The following OR4X2 variants were observed in gnomAD, a reference collection of about 807,000 sequenced individuals.
OR4X2 encodes the protein olfactory receptor family 4 subfamily X member 2.
For synonymous variants in OR4X2, 205 were observed against 136.6 expected (o/e 1.50, Z -3.49); for missense variants, 554 against 359.5 (o/e 1.54, Z -4.38).
Position 48,245,523 on chromosome 11 carries a change from A to G in OR4X2, c.420A>G (p.Ala140=), listed in dbSNP as rs1231773010. ...TGTGTACTGTCCTTGTAGGAATAGC[A>G]TGGGTGGGAGGCTTCATGCATTCCT... ...WQVCTVLVGI[A]WVGGFMHSFA... The change falls in exon 1 of 1, where the codon GCA becomes GCG. Residue 140 remains alanine (A), a synonymous_variant. Coordinates refer to ENST00000624868, the MANE Select transcript of OR4X2 (RefSeq NM_001004727.1). 5.6e-6 allele frequency: 9 copies of G among 1,614,002 alleles called. No individual in the cohort carries two copies. The highest frequency in any genetic ancestry group is 2.2e-5 in the East Asian group (1 of 44,880).
chr11:48,245,313 C>T lies in OR4X2; in HGVS notation c.210C>T (p.Ala70=). ...FMEICYSSAT[A]PKLISDLLAE... is the part of the protein sequence containing the mutation. Reference sequence around the variant, plus strand: ...AGATCTGCTACTCCTCCGCTACAGCCCCCAAACTCATCTCAGATCTGCTGG... The same window carrying T: ...AGATCTGCTACTCCTCCGCTACAGCTCCCAAACTCATCTCAGATCTGCTGG... The change falls in exon 1 of 1, where the codon GCC becomes GCT. Residue 70 remains alanine (A), a synonymous_variant. Transcript: ENST00000624868. 6.2e-7 allele frequency: 1 copy of T among 1,614,156 alleles called. No homozygotes were observed. Among genetic ancestry groups the T allele is most frequent in the Non-Finnish European group, 8.5e-7 (1 of 1,180,032 alleles).
rs1859048101 is a variant in OR4X2 at position 48,245,227 on chromosome 11, A to G, written c.124A>G (p.Met42Val). 3.7e-6 allele frequency: 6 copies of G among 1,614,162 alleles called. No homozygotes were observed. In the East Asian group the frequency reaches 1.3e-4, roughly 36 times the overall value. Residue 42 changes from methionine to valine, a missense_variant, in exon 1 of 1, where the codon ATG becomes GTG. Met to Val is a conservative substitution (Grantham distance 21). Coordinates refer to ENST00000624868, the MANE Select transcript of OR4X2 (RefSeq NM_001004727.1). ...LGNFLIVLTV[M>V]TSRSLGSPMY... Reference sequence around the variant, plus strand: ...GAATTTCCTCATTGTGCTCACTGTCATGACCAGCAGAAGCCTTGGTTCCCC... The same window carrying G: ...GAATTTCCTCATTGTGCTCACTGTCGTGACCAGCAGAAGCCTTGGTTCCCC...
rs374038523 is a variant in OR4X2, at chr11:48,245,684, A to G, written c.581A>G (p.Asn194Ser). ...CTCATTGGTCTGCTGATTGTTGCCA[A>G]TGGAGGCACCCTGTCTGTGATCAGT... ...TFLIGLLIVA[N>S]GGTLSVISFG... The change falls in exon 1 of 1, where the codon AAT becomes AGT. Residue 194 changes from asparagine to serine, a missense_variant. By Grantham distance (46) the Asn-to-Ser change is conservative (BLOSUM62 1). Transcript: ENST00000624868. The G allele has an allele frequency of 6.2e-7, 1 of 1,613,908 alleles. No individual in the cohort carries two copies. The highest frequency in any genetic ancestry group is 1.3e-5 in the African/African-American group (1 of 74,866).
rs1590610337 is a variant in OR4X2 at position 48,245,864 on chromosome 11, C to T, written c.761C>T (p.Ser254Phe). 6.2e-7 allele frequency: 1 copy of T among 1,614,124 alleles called. No individual in the cohort carries two copies. Among genetic ancestry groups the T allele is most frequent in the Non-Finnish European group, 8.5e-7 (1 of 1,180,012 alleles). Residue 254 changes from serine (S) to phenylalanine (F), a missense_variant, in exon 1 of 1, where the codon TCT becomes TTT. Coordinates refer to ENST00000624868, the MANE Select transcript of OR4X2 (RefSeq NM_001004727.1). ...TGCGTCTTCAACTCTCTGAGGCCTT[C>T]TACCACTCTGCCCATAGACAAGATG... Reference protein sequence around the residue: ...GPCVFNSLRPSTTLPIDKMVA... With the variant: ...GPCVFNSLRPFTTLPIDKMVA...
rs749916792 is a variant in OR4X2 at position 48,246,005 on chromosome 11, A to G, written c.902A>G (p.Asn301Ser). 3 of 1,612,072 alleles carry G rather than the reference A, an allele frequency of 1.9e-6. No individual in the cohort carries two copies. Among genetic ancestry groups the G allele is most frequent in the South Asian group, 1.1e-5 (1 of 90,962 alleles). ...KRLWIRTLRL[N>S]EK is the part of the protein sequence containing the mutation. ...CTGTGGATTAGGACATTGAGACTAA[A>G]TGAGAAATAGAGGCTGAGTCTTTGT... is the stretch of plus-strand genomic sequence containing the variant. The change falls in exon 1 of 1, where the codon AAT (asparagine) becomes AGT (serine). Residue 301 changes from asparagine (N) to serine (S), a missense_variant. Asn to Ser is a conservative substitution (Grantham distance 46, BLOSUM62 1). Transcript: ENST00000624868.
chr11:48,245,251 C>T lies in OR4X2; in HGVS notation c.148C>T (p.Pro50Ser). Residue 50 changes from proline to serine, a missense_variant, in exon 1 of 1, where the codon CCC becomes TCC. Coordinates refer to ENST00000624868, the MANE Select transcript of OR4X2 (RefSeq NM_001004727.1). ...TVMTSRSLGS[P>S]MYFFLSYLSF... The stretch of plus-strand genomic sequence containing the variant: ...CATGACCAGCAGAAGCCTTGGTTCC[C>T]CCATGTACTTCTTCCTCAGCTACCT... The T allele has an allele frequency of 3.7e-6, 6 of 1,614,158 alleles. No homozygotes were observed. Among genetic ancestry groups the T allele is most frequent in the Non-Finnish European group, 4.2e-6 (5 of 1,180,022 alleles).
chr11:48,245,462 A>T lies in OR4X2; in HGVS notation c.359A>T (p.Lys120Met), dbSNP rs1433890839. 6.2e-7 allele frequency: 1 copy of T among 1,614,142 alleles called. No homozygotes were observed. Among genetic ancestry groups the T allele is most frequent in the East Asian group, 2.2e-5 (1 of 44,882 alleles). ...TATGACCACTATGTGGCCATCTGCA[A>T]GCCCCTCAGCTACACCACCATCATG... is the stretch of plus-strand genomic sequence containing the variant. The part of the protein sequence containing the change: ...MAYDHYVAIC[K>M]PLSYTTIMNW... Residue 120 changes from lysine (K) to methionine (M), a missense_variant, in exon 1 of 1, where the codon AAG becomes ATG. Physicochemically the swap from Lys to Met is moderately conservative, Grantham distance 95. Transcript: ENST00000624868.
rs763616730 is a variant in OR4X2 at position 48,245,672 on chromosome 11, T to G, written c.569T>G (p.Leu190Arg). Residue 190 changes from leucine to arginine, a missense_variant, in exon 1 of 1, where the codon CTG (leucine) becomes CGG (arginine). Coordinates refer to ENST00000624868, the MANE Select transcript of OR4X2 (RefSeq NM_001004727.1). ...TCTGACACCTTCCTCATTGGTCTGC[T>G]GATTGTTGCCAATGGAGGCACCCTG... Reference protein sequence around the residue: ...ACSDTFLIGLLIVANGGTLSV... With the variant: ...ACSDTFLIGLRIVANGGTLSV... 54 of 1,614,060 alleles carry G rather than the reference T, an allele frequency of 3.3e-5. No individual in the cohort carries two copies. The East Asian group carries it at 1.1e-3, about 33-fold the overall frequency.
Position 48,245,952 on chromosome 11 carries a change from T to C in OR4X2, c.849T>C (p.Asn283=), listed in dbSNP as rs1859068611. 4.3e-6 allele frequency: 7 copies of C among 1,614,076 alleles called. No homozygotes were observed. The highest frequency in any genetic ancestry group is 3.4e-6 in the Non-Finnish European group (4 of 1,179,990). ...ILNPVIYSLR[N]AEMRKAMKRL... The stretch of plus-strand genomic sequence containing the variant: ...ACCCTGTCATCTACTCTCTGAGAAA[T>C]GCTGAAATGAGGAAGGCCATGAAGA... The change falls in exon 1 of 1, where the codon AAT becomes AAC. Residue 283 remains asparagine, a synonymous_variant. Coordinates refer to ENST00000624868, the MANE Select transcript of OR4X2 (RefSeq NM_001004727.1).
Position 48,245,620 on chromosome 11 carries a change from C to A in OR4X2, c.517C>A (p.Leu173Ile), listed in dbSNP as rs781483046. ...TGTGATCAATCACTATTTCTGTGAC[C>A]TAGTTCCCCTTCTCAAACTTGCCTG... is the stretch of plus-strand genomic sequence containing the variant. ...PNVINHYFCD[L>I]VPLLKLACSD... Residue 173 changes from leucine (L) to isoleucine (I), a missense_variant, in exon 1 of 1, where the codon CTA becomes ATA. Transcript: ENST00000624868. 1.2e-5 allele frequency: 20 copies of A among 1,614,144 alleles called. No homozygotes were observed. The highest frequency in any genetic ancestry group is 2.2e-5 in the East Asian group (1 of 44,884).
Position 48,245,580 on chromosome 11 carries a change from C to T in OR4X2, c.477C>T (p.Leu159=), listed in dbSNP as rs1859058930. 1.9e-6 allele frequency: 3 copies of T among 1,614,044 alleles called. No individual in the cohort carries two copies. The highest frequency in any genetic ancestry group is 1.1e-5 in the South Asian group (1 of 91,082). The stretch of plus-strand genomic sequence containing the variant: ...AAATCCTTCTCATCTTCCACCTGCT[C>T]TTCTGTGGCCCCAATGTGATCAATC... ...FAQILLIFHL[L]FCGPNVINHY... is the part of the protein sequence containing the mutation. Residue 159 remains leucine, a synonymous_variant, in exon 1 of 1, where the codon CTC becomes CTT. Transcript: ENST00000624868.
In OR4X2 at chr11:48,245,605, C is replaced by A. The variant is rs765106297; in HGVS notation, c.502C>A (p.His168Asn). 11 of 1,614,044 alleles carry A rather than the reference C, an allele frequency of 6.8e-6. No individual in the cohort carries two copies. The African/African-American group carries it at 1.3e-4, about 20-fold the overall frequency. Residue 168 changes from histidine (H) to asparagine (N), a missense_variant, in exon 1 of 1, where the codon CAC becomes AAC. Coordinates refer to ENST00000624868, the MANE Select transcript of OR4X2 (RefSeq NM_001004727.1). ...LLFCGPNVIN[H>N]YFCDLVPLLK... ...CTTCTGTGGCCCCAATGTGATCAAT[C>A]ACTATTTCTGTGACCTAGTTCCCCT...
rs1859064440 is a variant in OR4X2, at chr11:48,245,762, G to A, written c.659G>A (p.Trp220Ter). ...GTCATCTTGCTCCATCTGAGAACCT[G>A]GAGCTCTGAAGGGTGGTGCAAAGCC... ...YMVILLHLRT[W>*]SSEGWCKALS... is the part of the protein sequence containing the mutation. Residue 220 changes from tryptophan to a stop codon, truncating the protein, a stop_gained, in exon 1 of 1, where the codon TGG (tryptophan) becomes TAG (stop). Transcript: ENST00000624868. LOFTEE classifies it low-confidence loss of function (END_TRUNC). The A allele has an allele frequency of 6.2e-7, 1 of 1,614,078 alleles. No individual in the cohort carries two copies.
At position 48,245,896 on chromosome 11, in the gene OR4X2, G is replaced by A; in HGVS notation, c.793G>A (p.Val265Met). 6.2e-7 allele frequency: 1 copy of A among 1,614,076 alleles called. No individual in the cohort carries two copies. The highest frequency in any genetic ancestry group is 1.1e-5 in the South Asian group (1 of 91,084). The change falls in exon 1 of 1, where the codon GTG becomes ATG. Residue 265 changes from valine to methionine, a missense_variant. Physicochemically the swap from Val to Met is conservative, Grantham distance 21. Transcript: ENST00000624868. ...TCTGCCCATAGACAAGATGGTGGCT[G>A]TGTTCTACACAGTGATAACCGCGAT... Reference protein sequence around the residue: ...TTLPIDKMVAVFYTVITAILN... With the variant: ...TTLPIDKMVAMFYTVITAILN...
chr11:48,245,954 C>A lies in OR4X2; in HGVS notation c.851C>A (p.Ala284Asp). ...LNPVIYSLRN[A>D]EMRKAMKRLW... ...CCTGTCATCTACTCTCTGAGAAATG[C>A]TGAAATGAGGAAGGCCATGAAGAGG... is the stretch of plus-strand genomic sequence containing the variant. Residue 284 changes from alanine (A) to aspartate (D), a missense_variant, in exon 1 of 1, where the codon GCT becomes GAT. Physicochemically the swap from Ala to Asp is moderately radical, Grantham distance 126 (BLOSUM62 -2). Transcript: ENST00000624868. The A allele has an allele frequency of 6.2e-7, 1 of 1,614,026 alleles. No individual in the cohort carries two copies. The highest frequency in any genetic ancestry group is 8.5e-7 in the Non-Finnish European group (1 of 1,179,960).
Position 48,245,660 on chromosome 11 carries a change from T to C in OR4X2, c.557T>C (p.Leu186Pro). ...AAACTTGCCTGCTCTGACACCTTCC[T>C]CATTGGTCTGCTGATTGTTGCCAAT... ...LLKLACSDTF[L>P]IGLLIVANGG... is the part of the protein sequence containing the mutation. Residue 186 changes from leucine to proline, a missense_variant, in exon 1 of 1, where the codon CTC becomes CCC. Coordinates refer to ENST00000624868, the MANE Select transcript of OR4X2 (RefSeq NM_001004727.1). The C allele has an allele frequency of 1.2e-6, 2 of 1,614,200 alleles. No homozygotes were observed. The highest frequency in any genetic ancestry group is 1.7e-6 in the Non-Finnish European group (2 of 1,180,018).
At position 48,245,776 on chromosome 11, in the gene OR4X2, T is replaced by A. The variant is rs1254401303; in HGVS notation, c.673T>A (p.Trp225Arg). 6.2e-7 allele frequency: 1 copy of A among 1,614,026 alleles called. No homozygotes were observed. Among genetic ancestry groups the A allele is most frequent in the Non-Finnish European group, 8.5e-7 (1 of 1,179,996 alleles). The stretch of plus-strand genomic sequence containing the variant: ...TCTGAGAACCTGGAGCTCTGAAGGG[T>A]GGTGCAAAGCCCTCTCCACCTGTGG... ...LHLRTWSSEG[W>R]CKALSTCGSH... The change falls in exon 1 of 1, where the codon TGG (tryptophan) becomes AGG (arginine). Residue 225 changes from tryptophan (W) to arginine (R), a missense_variant. Coordinates refer to ENST00000624868, the MANE Select transcript of OR4X2 (RefSeq NM_001004727.1).
Position 48,245,941 on chromosome 11 carries a change from T to C in OR4X2, c.838T>C (p.Ser280Pro), listed in dbSNP as rs756810151. Residue 280 changes from serine to proline, a missense_variant, in exon 1 of 1, where the codon TCT (serine) becomes CCT (proline). Physicochemically the swap from Ser to Pro is moderately conservative, Grantham distance 74 (BLOSUM62 -1). Coordinates refer to ENST00000624868, the MANE Select transcript of OR4X2 (RefSeq NM_001004727.1). ...ITAILNPVIY[S>P]LRNAEMRKAM... ...CGCGATCCTGAACCCTGTCATCTAC[T>C]CTCTGAGAAATGCTGAAATGAGGAA... 8.7e-6 allele frequency: 14 copies of C among 1,614,092 alleles called. No individual in the cohort carries two copies. Among genetic ancestry groups the C allele is most frequent in the African/African-American group, 1.3e-5 (1 of 75,036 alleles).
At position 48,245,124 on chromosome 11, in the gene OR4X2, G is replaced by T; in HGVS notation, c.21G>T (p.Leu7=). Residue 7 remains leucine, a synonymous_variant, in exon 1 of 1, where the codon CTG becomes CTT. Coordinates refer to ENST00000624868, the MANE Select transcript of OR4X2 (RefSeq NM_001004727.1). The stretch of plus-strand genomic sequence containing the variant: ...ACAACATGACTGAATTCATTTTTCT[G>T]GTACTTTCTCCCAACCAGGAGGTGC... MTEFIF[L]VLSPNQEVQR... 6.2e-7 allele frequency: 1 copy of T among 1,612,306 alleles called. No homozygotes were observed. The highest frequency in any genetic ancestry group is 1.1e-5 in the South Asian group (1 of 90,716).
Sources: gnomAD v4.1 joint callset for allele counts on GRCh38, gnomAD v4.1.1 for gene constraint, MANE v1.5 for transcripts, NCBI Gene and HGNC (gene_info 2026-07-23, HGNC 2026-07-21) for gene names.